SYBU: variants seen among roughly 807,000 people sequenced by gnomAD.
SYBU encodes syntabulin, also known as GOLSYN A protein.
Under a neutral mutation model 35.9 loss-of-function variants are expected in SYBU, and 21 were observed. That is an observed-to-expected ratio of 0.58 (90% confidence interval 0.41 to 0.84). The LOEUF is 0.84. Among genes scored for constraint, SYBU ranks in the 40% least tolerant of loss-of-function variants. The pLI is 0.00. For synonymous variants in SYBU, 319 were observed against 324.3 expected, an observed-to-expected ratio of 0.98 and a Z score of 0.18; for missense variants, 768 against 848.2, an observed-to-expected ratio of 0.91 and a Z score of 1.17.
intron 1 of SYBU, among the ~76,000 whole-genome samples, chr8:109,677,005 C>G (rs7842210): frequency 0.049 from 7,392 of 151,906 alleles, 586 homozygotes; most frequent in African/African-American, 0.17. Flanking sequence ...CTCCATTTCT[C>G]TCTCTTTTCT....
intron 1 of SYBU, among the ~76,000 whole-genome samples, chr8:109,671,566 C>T (rs1816983393): frequency 6.6e-6 from 1 of 152,122 alleles, no homozygotes; most frequent in African/African-American, 2.4e-5. Context: ...AGCACCTTAC[C>T]CTAAAATACT....
chr8:109,622,463 C>G (rs1043930910), intron 2 of SYBU, among the ~76,000 whole-genome samples: 1 of 152,062 alleles, frequency 6.6e-6, no homozygotes, highest in African/African-American at 2.4e-5. Context: ...GAACTCCTGG[C>G]CTCAAGTGAT....
Position 109,584,881 on chromosome 8 carries a change from T to C in SYBU, c.530+1179A>G, listed in dbSNP as rs1012631342. Among the ~76,000 whole-genome samples, 4 of 152,100 alleles carry C rather than the reference T, an allele frequency of 2.6e-5. No homozygotes were observed. Among genetic ancestry groups the C allele is most frequent in the Admixed American group, 1.3e-4 (2 of 15,264 alleles). Reference sequence around the variant, plus strand: ...CAGTACAACTGTCTTTTGGATACCGTGGCCCAGGGGAATCAAGTGACGTGA... The same window carrying C: ...CAGTACAACTGTCTTTTGGATACCGCGGCCCAGGGGAATCAAGTGACGTGA... On this transcript the variant is annotated intron_variant, in intron 4 of 6. Coordinates refer to ENST00000276646, the MANE Select transcript of SYBU (RefSeq NM_001099754.2). This position sits in a 1 kb window ranked among gnomAD's most constrained non-coding sequence, Gnocchi z 4.0.
At chr8:109,618,800 T>C (rs1211402903) in intron 3 of SYBU, 42 bp downstream of exon 3, 1 of 1,579,794 alleles carries the variant, frequency 6.3e-7, no homozygotes, top group Non-Finnish European at 8.7e-7. Context: ...ACTACTCCCA[T>C]CACATTGTTC....
upstream of SYBU, among the ~76,000 whole-genome samples, chr8:109,682,228 G>T (rs1159402350): frequency 6.6e-6 from 1 of 152,188 alleles, no homozygotes; most frequent in Non-Finnish European, 1.5e-5. Context: ...AGTTTGGAGG[G>T]CTCAGAAGAA....
intron 1 of SYBU, among the ~76,000 whole-genome samples, chr8:109,656,129 A>G (rs1816345156): frequency 6.7e-6 from 1 of 149,094 alleles, no homozygotes; most frequent in Non-Finnish European, 1.5e-5. Flanking sequence ...AAAAAAAAAA[A>G]TTACACACCA....
chr8:109,628,197 T>TA (rs746539037), intron 2 of SYBU, among the ~76,000 whole-genome samples: 3 of 152,148 alleles, frequency 2.0e-5, no homozygotes, highest in Non-Finnish European at 4.4e-5. Flanking sequence ...GTTAATAAGT[T>TA]AAAAAATACA....
chr8:109,677,152 T>C (rs911262389), intron 1 of SYBU, among the ~76,000 whole-genome samples: 1 of 152,054 alleles, frequency 6.6e-6, no homozygotes, highest in African/African-American at 2.4e-5. Context: ...GTGAGAGACC[T>C]TTAAAGAACT....
upstream of SYBU, chr8:109,645,277 T>C (rs750354277): frequency 1.5e-5 from 7 of 456,522 alleles, no homozygotes; most frequent in South Asian, 1.1e-4. Flanking sequence ...GCTGCAGAGA[T>C]CCCTCTCGTA....
chr8:109,616,143 C>T (rs1216165829), intron 3 of SYBU, among the ~76,000 whole-genome samples: 1 of 151,078 alleles, frequency 6.6e-6, no homozygotes, highest in Non-Finnish European at 1.5e-5. Flanking sequence ...TCCTGAGTAG[C>T]TGGGATTACA....
intron 3 of SYBU, among the ~76,000 whole-genome samples, chr8:109,617,277 A>T (rs1320221034): frequency 1.3e-5 from 2 of 152,246 alleles, no homozygotes; most frequent in African/African-American, 4.8e-5. Flanking sequence ...AGGTGTCGAC[A>T]ATAGGCAAAT....
intron 1 of SYBU, chr8:109,644,307 CA>C (rs1319202074): frequency 1.8e-6 from 1 of 547,718 alleles, no homozygotes; most frequent in African/African-American, 1.9e-5. Flanking sequence ...CCTCTTTTCC[CA>C]GTCGCGGATG....
intron 1 of SYBU, among the ~76,000 whole-genome samples, chr8:109,678,379 T>C (rs963424535): frequency 1.3e-5 from 2 of 151,240 alleles, no homozygotes; most frequent in Non-Finnish European, 2.9e-5. Context: ...AAGTAGATAA[T>C]GTACTACTTG....
At chr8:109,639,152 T>C (rs527743026) in intron 2 of SYBU, among the ~76,000 whole-genome samples, 9 of 152,324 alleles carry the variant, frequency 5.9e-5, no homozygotes, top group African/African-American at 2.2e-4. Context: ...TAAGAAAAAC[T>C]TGAGGGTGGA....
intron 2 of SYBU, among the ~76,000 whole-genome samples, chr8:109,628,611 G>C (rs1293822424): frequency 6.6e-6 from 1 of 152,056 alleles, no homozygotes; most frequent in African/African-American, 2.4e-5. Context: ...TCAAAGTCCT[G>C]GGATAATAGG....
chr8:109,616,477 T>C (rs950645916), intron 3 of SYBU, among the ~76,000 whole-genome samples: 35 of 152,326 alleles, frequency 2.3e-4, no homozygotes, highest in Middle Eastern at 3.4e-3. Flanking sequence ...ATAATTATTA[T>C]GATTATTGAA....
upstream of SYBU, chr8:109,645,615 GTTGTTGTTTCGTTTTTTGT>G: frequency 4.0e-6 from 1 of 250,924 alleles, no homozygotes; most frequent in Non-Finnish European, 7.7e-6. Flanking sequence ...TAAAGTTTTT[GTTGTTGTTTCGTTTTTTGT>G]TTTTTTTTTT....
chr8:109,585,044 C>CT (rs1823458014), intron 4 of SYBU, among the ~76,000 whole-genome samples: 1 of 152,226 alleles, frequency 6.6e-6, no homozygotes, highest in Non-Finnish European at 1.5e-5. Context: ...ACATTACTCT[C>CT]TATCTCCTTC....
At position 109,644,683 on chromosome 8, in the gene SYBU, C is replaced by T. The variant is rs1292575316; in HGVS notation, c.-24G>A. The stretch of plus-strand genomic sequence containing the variant: ...ATCGCGCCGCTGCCCGCCGGCTCCT[C>T]GCGCCGCCGCTGCCGCCGTCCAGGA... On this transcript the variant is annotated 5_prime_UTR_variant, in exon 1 of 7. Coordinates refer to ENST00000276646, the MANE Select transcript of SYBU (RefSeq NM_001099754.2). The T allele has an allele frequency of 4.0e-6, 6 of 1,506,924 alleles. No individual in the cohort carries two copies. The highest frequency in any genetic ancestry group is 1.8e-4 in the Middle Eastern group (1 of 5,692). 93.3% of individuals were successfully genotyped at this position (1,506,924 alleles called of 1,614,324 possible). A position where few individuals can be genotyped will look rare whatever the true frequency, so the allele number is the denominator to read the frequency against.
Sources: allele counts gnomAD v4.1 joint callset (sites outside exome capture counted in the v4.1 genomes callset), GRCh38; gene constraint gnomAD v4.1.1; non-coding constraint Gnocchi (gnomAD v3.1); transcripts MANE v1.5; gene names NCBI Gene and HGNC (gene_info 2026-07-23, HGNC 2026-07-21).